Variants in MSR1 observed in about 807,000 individuals in gnomAD.
MSR1 encodes macrophage scavenger receptor 1, also known as macrophage scavenger receptor types I and II.
A neutral mutation model predicts 47.2 loss-of-function variants in MSR1; 53 were observed. The ratio of observed to expected loss-of-function variants is 1.12; its 90% CI spans 0.90 to 1.41. MSR1 has a LOEUF of 1.41. Among genes scored for constraint, MSR1 ranks in the 40% most tolerant of loss-of-function variants. The probability of loss-of-function intolerance (pLI) is 0.00; values close to 1 mark genes in which losing one functional copy is unlikely to be tolerated. For missense variants in MSR1, 786 were observed against 546.9 expected (o/e 1.44, Z -4.36); for synonymous variants, 239 against 185.6 (o/e 1.29, Z -2.34).
intron 3 of MSR1, among the ~76,000 whole-genome samples, chr8:16,172,937 C>A (rs916047133): frequency 6.6e-6 from 1 of 151,942 alleles, no homozygotes; most frequent in African/African-American, 2.4e-5. Context: ...ATTTTTTATG[C>A]CAAGTAGAGA....
chr8:16,157,997 C>T lies in MSR1; in HGVS notation c.818-2853G>A, dbSNP rs115291954. 2.6e-3 allele frequency among the ~76,000 whole-genome samples: 391 copies of T among 151,878 alleles called. 1 individual carries two copies. The highest frequency in any genetic ancestry group is 9.0e-3 in the African/African-American group (373 of 41,472). On this transcript the variant is annotated intron_variant, in intron 5 of 9. Transcript: ENST00000262101. ...GAGTCTCTTGTAGTCACCTTTTGTTCGTAGTTTCCATTTAGTCTTTTCAAA... is the reference window on the plus strand; with the variant it reads ...GAGTCTCTTGTAGTCACCTTTTGTTTGTAGTTTCCATTTAGTCTTTTCAAA...
chr8:16,139,848 A>C, intron 8 of MSR1: 1 of 372,146 alleles, frequency 2.7e-6, no homozygotes, highest in Non-Finnish European at 3.5e-6. Context: ...AAATAAGAAG[A>C]TGAGAAGGTA....
chr8:16,182,147 G>C (rs973068720), intron 1 of MSR1, among the ~76,000 whole-genome samples: 3 of 152,160 alleles, frequency 2.0e-5, no homozygotes, highest in Non-Finnish European at 2.9e-5. Context: ...GAATCCTGTA[G>C]GCAGTTGGAA....
intron 7 of MSR1, among the ~76,000 whole-genome samples, chr8:16,147,340 C>G (rs543968181): frequency 1.3e-5 from 2 of 151,994 alleles, no homozygotes; most frequent in South Asian, 2.1e-4. Flanking sequence ...TGTACCCTTA[C>G]GAGCAGTGTG....
intron 5 of MSR1, among the ~76,000 whole-genome samples, chr8:16,160,076 G>T (rs558390611): frequency 2.0e-5 from 3 of 152,034 alleles, no homozygotes; most frequent in African/African-American, 7.2e-5. Context: ...AAGACCTTGA[G>T]TGCTACAGGC....
chr8:16,178,858 A>G (rs1801739318), intron 1 of MSR1, among the ~76,000 whole-genome samples: 1 of 152,074 alleles, frequency 6.6e-6, no homozygotes, highest in Non-Finnish European at 1.5e-5. Context: ...ATGGCCAGTG[A>G]TGATGAGCAT....
At chr8:16,163,625 A>T (rs1801221754) in intron 5 of MSR1, among the ~76,000 whole-genome samples, 2 of 151,634 alleles carry the variant, frequency 1.3e-5, no homozygotes, top group Non-Finnish European at 3.0e-5. Context: ...CAGGCACTGC[A>T]GAAGAAATGG....
chr8:16,183,783 A>C (rs552889033), intron 1 of MSR1, among the ~76,000 whole-genome samples: 1 of 143,464 alleles, frequency 7.0e-6, no homozygotes, highest in Non-Finnish European at 1.5e-5. Flanking sequence ...ATATTATGTT[A>C]ATATATTATA....
At chr8:16,184,055 T>C (rs1362225562) in intron 1 of MSR1, among the ~76,000 whole-genome samples, 2 of 151,316 alleles carry the variant, frequency 1.3e-5, no homozygotes, top group African/African-American at 4.8e-5. Context: ...ATGGAAAATA[T>C]CATGTTAAAA....
At chr8:16,186,431 A>G (rs894061407) in intron 1 of MSR1, among the ~76,000 whole-genome samples, 2 of 152,076 alleles carry the variant, frequency 1.3e-5, no homozygotes, top group Non-Finnish European at 2.9e-5. Flanking sequence ...CCATATATGC[A>G]CTGCCTAACA....
chr8:16,127,142 G>A (rs1800147671), intron 8 of MSR1, among the ~76,000 whole-genome samples: 2 of 152,076 alleles, frequency 1.3e-5, no homozygotes, highest in Non-Finnish European at 2.9e-5. Flanking sequence ...ATCCCAAGGA[G>A]AACTTTTGGA....
rs189739643 is a variant in MSR1, at chr8:16,163,238, G to A, written c.817+827C>T. 1.6e-3 allele frequency among the ~76,000 whole-genome samples: 241 copies of A among 151,826 alleles called. 2 individuals are homozygous for A. In the Middle Eastern group the frequency reaches 0.031, roughly 20 times the overall value. Reference sequence around the variant, plus strand: ...AGCAAAAGAAACATAAAATAAACTGGAAAAAACCAGAGCACATGATAAGAT... The same window carrying A: ...AGCAAAAGAAACATAAAATAAACTGAAAAAAACCAGAGCACATGATAAGAT... On this transcript the variant is annotated intron_variant, in intron 5 of 9. Coordinates refer to ENST00000262101, the MANE Select transcript of MSR1 (RefSeq NM_138715.3).
chr8:16,165,811 G>A (rs1216181258), intron 4 of MSR1, among the ~76,000 whole-genome samples: 1 of 152,090 alleles, frequency 6.6e-6, no homozygotes, highest in African/African-American at 2.4e-5. Context: ...TACTGAAGCA[G>A]AGAGACTTAC....
chr8:16,165,887 A>G (rs117979965), intron 4 of MSR1, among the ~76,000 whole-genome samples: 2 of 152,180 alleles, frequency 1.3e-5, no homozygotes, highest in Admixed American at 6.5e-5. Flanking sequence ...GAATTTCTCT[A>G]TCTTGCACCT....
Position 16,121,542 on chromosome 8 carries a change from G to C in MSR1, c.1034-936C>G, listed in dbSNP as rs545727555. Among the ~76,000 whole-genome samples the C allele has an allele frequency of 7.8e-4, 118 of 152,004 alleles. 1 individual carries two copies. The highest frequency in any genetic ancestry group is 1.4e-3 in the Non-Finnish European group (96 of 67,872). On this transcript the variant is annotated intron_variant, in intron 8 of 9. Coordinates refer to ENST00000262101, the MANE Select transcript of MSR1 (RefSeq NM_138715.3). ...CGTATGAAAAATCTCTCAACAGCCT[G>C]TATTATTCTGCTAAGTATTTGTTTA...
chr8:16,183,827 T>A (rs976491557), intron 1 of MSR1, among the ~76,000 whole-genome samples: 1 of 144,160 alleles, frequency 6.9e-6, no homozygotes, highest in South Asian at 2.1e-4. Context: ...TTATATATTA[T>A]ATATTTTATA....
intron 3 of MSR1, among the ~76,000 whole-genome samples, chr8:16,171,148 C>A (rs11785477): frequency 6.8e-6 from 1 of 147,722 alleles, no homozygotes; most frequent in Non-Finnish European, 1.5e-5. Context: ...TGCTTGAGCC[C>A]GGGAGGCGGA....
chr8:16,140,627 C>A (rs1020077640), intron 8 of MSR1: 107 of 1,136,842 alleles, frequency 9.4e-5, no homozygotes, highest in Non-Finnish European at 1.1e-4. Flanking sequence ...GGTGAGAACA[C>A]AGCAGTTCTC....
At chr8:16,132,110 C>T (rs1308929269) in intron 8 of MSR1, among the ~76,000 whole-genome samples, 3 of 151,938 alleles carry the variant, frequency 2.0e-5, no homozygotes, top group African/African-American at 7.3e-5. Context: ...CCGATTCTTC[C>T]TATCCATGAG....
Sources: gnomAD v4.1 joint callset for allele counts (sites outside exome capture counted in the v4.1 genomes callset) on GRCh38, gnomAD v4.1.1 for gene constraint, MANE v1.5 for transcripts, NCBI Gene and HGNC (gene_info 2026-07-23, HGNC 2026-07-21) for gene names.